ZNF92: variants seen among roughly 807,000 people sequenced by gnomAD.
ZNF92 encodes zinc finger protein 92.
Under a neutral mutation model 12.4 loss-of-function variants are expected in ZNF92, and 11 were observed. That is an observed-to-expected ratio of 0.89 (90% CI 0.56 to 1.47). ZNF92 has a LOEUF of 1.47. ZNF92 is among the 40% of genes most tolerant of loss of function. The probability of loss-of-function intolerance (pLI) is 0.00; values close to 1 mark genes in which losing one functional copy is unlikely to be tolerated. For synonymous variants in ZNF92, 206 were observed against 228.6 expected, an observed-to-expected ratio of 0.90 and a Z score of 0.89; for missense variants, 622 against 681.0, an observed-to-expected ratio of 0.91 and a Z score of 0.96.
intron 3 of ZNF92, among the ~76,000 whole-genome samples, chr7:65,391,557 A>G (rs1481934952): frequency 6.6e-6 from 1 of 152,122 alleles, no homozygotes; most frequent in African/African-American, 2.4e-5. Flanking sequence ...TTTAGCCTAT[A>G]TCTAAGTAAT....
chr7:65,390,644 G>T (rs1296371930), intron 3 of ZNF92, among the ~76,000 whole-genome samples: 6 of 152,134 alleles, frequency 3.9e-5, no homozygotes, highest in Non-Finnish European at 5.9e-5. Context: ...GCAGGTTTCT[G>T]TAGTCGGGTC....
chr7:65,396,577 C>G (rs796740105), intron 3 of ZNF92, among the ~76,000 whole-genome samples: 5 of 152,190 alleles, frequency 3.3e-5, no homozygotes, highest in African/African-American at 1.2e-4. Context: ...GTAAAGAATT[C>G]TGTGTGTGTC....
chr7:65,384,100 A>G (rs1206628863), intron 1 of ZNF92, among the ~76,000 whole-genome samples: 1 of 152,054 alleles, frequency 6.6e-6, no homozygotes, highest in African/African-American at 2.4e-5. Context: ...TGTTTCTTTT[A>G]CCTTGTTAAG....
chr7:65,386,164 C>A (rs866353980), intron 1 of ZNF92, among the ~76,000 whole-genome samples: 1 of 152,022 alleles, frequency 6.6e-6, no homozygotes, highest in South Asian at 2.1e-4. Flanking sequence ...GGATTACAGG[C>A]GCGTGCCACC....
intron 1 of ZNF92, among the ~76,000 whole-genome samples, chr7:65,386,517 A>T (rs1338434296): frequency 6.6e-6 from 1 of 152,120 alleles, no homozygotes; most frequent in Non-Finnish European, 1.5e-5. Context: ...TTGAGGTTTC[A>T]TCTGTCTTCT....
chr7:65,379,312 C>A (rs752031083), intron 1 of ZNF92, among the ~76,000 whole-genome samples: 1 of 152,028 alleles, frequency 6.6e-6, no homozygotes, highest in Non-Finnish European at 1.5e-5. Context: ...GCTTGGTGTT[C>A]ACCAATCTAC....
At chr7:65,376,989 A>G (rs938998904) in intron 1 of ZNF92, among the ~76,000 whole-genome samples, 1 of 152,104 alleles carries the variant, frequency 6.6e-6, no homozygotes, top group Non-Finnish European at 1.5e-5. Flanking sequence ...TTTCACGCTA[A>G]ATTTTACGAG....
At chr7:65,394,285 C>T (rs1317885952) in intron 3 of ZNF92, among the ~76,000 whole-genome samples, 1 of 151,768 alleles carries the variant, frequency 6.6e-6, no homozygotes, top group Non-Finnish European at 1.5e-5. Flanking sequence ...TGTCCAGTTT[C>T]ACCATTATTT....
intron 1 of ZNF92, among the ~76,000 whole-genome samples, chr7:65,380,263 A>T (rs1196926921): frequency 6.6e-6 from 1 of 151,714 alleles, no homozygotes; most frequent in Non-Finnish European, 1.5e-5. Flanking sequence ...TTAAATCTTT[A>T]TTTTATTTAT....
chr7:65,387,753 A>G, intron 1 of ZNF92, 149 bp from the exon 2 acceptor site: 1 of 902,030 alleles, frequency 1.1e-6, no homozygotes, highest in Non-Finnish European at 1.5e-6. Context: ...TCTGTATTGA[A>G]AATTATTTTA....
Position 65,399,700 on chromosome 7 carries a change from T to TA in ZNF92, c.1588dup (p.Ile530AsnfsTer11), listed in dbSNP as rs1246940595. The stretch of plus-strand genomic sequence containing the variant: ...TCCTCAAACCTTACTGCACGTAAGA[T>TA]AATTTATACTGGAGAGAAACCCTAC... On this transcript the variant is annotated frameshift_variant, in exon 4 of 4. Transcript: ENST00000328747. LOFTEE classifies it low-confidence loss of function (END_TRUNC). 1.9e-6 allele frequency: 3 copies of TA among 1,613,494 alleles called. No individual in the cohort carries two copies. The Admixed American group carries it at 5.0e-5, about 27-fold the overall frequency.
At position 65,379,961 on chromosome 7, in the gene ZNF92, C is replaced by T. The variant is rs115629621; in HGVS notation, c.3+5961C>T. On this transcript the variant is annotated intron_variant, in intron 1 of 3. Transcript: ENST00000328747. ...GTGTTTGGTGTAGACTATTTTGTCT[C>T]TGAGGTACTAAGCATAGAACCAAAT... Among the ~76,000 whole-genome samples, 163 of 152,120 alleles carry T rather than the reference C, an allele frequency of 1.1e-3. 1 individual carries two copies. The highest frequency in any genetic ancestry group is 3.8e-3 in the African/African-American group (157 of 41,508).
intron 1 of ZNF92, among the ~76,000 whole-genome samples, chr7:65,383,557 T>TA (rs1408250094): frequency 6.6e-6 from 1 of 152,160 alleles, no homozygotes; most frequent in Non-Finnish European, 1.5e-5. Flanking sequence ...CTGTTACTGT[T>TA]ACGTGAGAGG....
rs563009017 is a variant in ZNF92 at position 65,398,578 on chromosome 7, A to G, written c.464A>G (p.His155Arg). 4.1e-5 allele frequency: 66 copies of G among 1,608,220 alleles called. No individual in the cohort carries two copies. The South Asian group carries it at 6.3e-4, about 15-fold the overall frequency. The change falls in exon 4 of 4, where the codon CAT becomes CGT. Residue 155 changes from histidine (H) to arginine (R), a missense_variant. By Grantham distance (29) the His-to-Arg change is conservative. Transcript: ENST00000328747. ...TGTGATAAATATGTGAAAGTCTTTC[A>G]TAAATTTCCAAATGTAAATAGAAAT... Reference protein sequence around the residue: ...FQCDKYVKVFHKFPNVNRNKI... With the variant: ...FQCDKYVKVFRKFPNVNRNKI...
chr7:65,380,025 C>G (rs947214925), intron 1 of ZNF92, among the ~76,000 whole-genome samples: 3 of 152,054 alleles, frequency 2.0e-5, no homozygotes, highest in Non-Finnish European at 4.4e-5. Context: ...CTGCCACCCT[C>G]TACCCTCAAC....
rs989004178 is a variant in ZNF92, at chr7:65,400,832, T to G, written c.*957T>G. Reference sequence around the variant, plus strand: ...ATCTGTTGTTGCTGAATCAGAGATATGAGAGATTCTTTTTTATAGGTGGGC... The same window carrying G: ...ATCTGTTGTTGCTGAATCAGAGATAGGAGAGATTCTTTTTTATAGGTGGGC... On this transcript the variant is annotated 3_prime_UTR_variant, in exon 4 of 4. Coordinates refer to ENST00000328747, the MANE Select transcript of ZNF92 (RefSeq NM_152626.4). The G allele has an allele frequency of 1.3e-5, 2 of 151,958 alleles. No homozygotes were observed. The highest frequency in any genetic ancestry group is 6.6e-5 in the Admixed American group (1 of 15,246). 9.4% of individuals were successfully genotyped at this position (151,958 alleles called of 1,614,324 possible). A position where few individuals can be genotyped will look rare whatever the true frequency, so the allele number is the denominator to read the frequency against.
chr7:65,379,438 C>G (rs1245360962), intron 1 of ZNF92, among the ~76,000 whole-genome samples: 3 of 152,150 alleles, frequency 2.0e-5, no homozygotes, highest in African/African-American at 7.2e-5. Flanking sequence ...GCCCGTTGTC[C>G]TAGGATTCCA....
rs1417660434 is a variant in ZNF92, at chr7:65,386,962, G to A, written c.4-940G>A. On this transcript the variant is annotated intron_variant, in intron 1 of 3. Coordinates refer to ENST00000328747, the MANE Select transcript of ZNF92 (RefSeq NM_152626.4). ...TTCTTTTTTTTTTTTTTTTTGAGAC[G>A]GAGTTTCACTCTCGTTCCCCAGGCT... 8.8e-5 allele frequency among the ~76,000 whole-genome samples: 12 copies of A among 136,736 alleles called. 1 individual carries two copies. Among genetic ancestry groups the A allele is most frequent in the South Asian group, 4.6e-4 (2 of 4,358 alleles). 89.7% of individuals were successfully genotyped at this position (136,736 alleles called of 152,430 possible).
chr7:65,384,818 G>A lies in ZNF92; in HGVS notation c.4-3084G>A, dbSNP rs962685526. On this transcript the variant is annotated intron_variant, in intron 1 of 3. Transcript: ENST00000328747. ...TTATTAAACAAAACCAACTCCCAGG[G>A]TGTTACGAGGATTAAATCACGTAAT... Among the ~76,000 whole-genome samples, 10 of 152,050 alleles carry A rather than the reference G, an allele frequency of 6.6e-5. 1 individual carries two copies. Among genetic ancestry groups the A allele is most frequent in the Non-Finnish European group, 1.5e-5 (1 of 68,028 alleles).
Sources: allele counts gnomAD v4.1 joint callset (sites outside exome capture counted in the v4.1 genomes callset), GRCh38; gene constraint gnomAD v4.1.1; transcripts MANE v1.5; gene names NCBI Gene and HGNC (gene_info 2026-07-23, HGNC 2026-07-21).